MGAT4C: variants seen among roughly 807,000 people sequenced by gnomAD.
MGAT4C encodes alpha-1,3-mannosyl-glycoprotein 4-beta-N-acetylglucosaminyltransferase C.
A neutral mutation model predicts 40.1 loss-of-function variants in MGAT4C; 19 were observed. That is an observed-to-expected ratio of 0.47 (90% CI 0.33 to 0.70). The LOEUF (loss-of-function observed/expected upper bound fraction) is 0.70, where lower values mean the gene tolerates loss of function less well. Ranked by LOEUF, MGAT4C falls within the 30% of genes least tolerant of loss-of-function variation. The pLI, the probability that MGAT4C is intolerant of heterozygous loss-of-function variation, is 0.02. For synonymous variants in MGAT4C, 181 were observed against 187.1 expected (o/e 0.97, Z 0.27); for missense variants, 491 against 563.2 (o/e 0.87, Z 1.30).
intron 1 of MGAT4C, among the ~76,000 whole-genome samples, chr12:86,071,126 C>T (rs993134811): frequency 1.3e-5 from 2 of 151,986 alleles, no homozygotes; most frequent in African/African-American, 4.8e-5. Context: ...GGACACTGCA[C>T]TCAATCTTAT....
In MGAT4C at chr12:85,976,659, GTATA is replaced by G. The variant is rs967788931; in HGVS notation, c.*2626_*2629del. ...TTAACAAAGAAAATTATATATATAT[GTATA>G]TATATATTATATATATGTATATATG... On this transcript the variant is annotated 3_prime_UTR_variant, in exon 5 of 5. Transcript: ENST00000611864. 1 of 144,988 alleles carries G rather than the reference GTATA, an allele frequency of 6.9e-6. No homozygotes were observed. 9.0% of individuals were successfully genotyped at this position (144,988 alleles called of 1,614,324 possible). A position where few individuals can be genotyped will look rare whatever the true frequency, so the allele number is the denominator to read the frequency against.
At chr12:86,444,836 C>A (rs955805425) in intron 2 of MGAT4C, among the ~76,000 whole-genome samples, 4 of 152,124 alleles carry the variant, frequency 2.6e-5, no homozygotes, top group Admixed American at 6.6e-5. Flanking sequence ...AACTCTATAC[C>A]TCTTAAACAA....
At chr12:86,788,615 A>G (rs1401440537) in intron 1 of MGAT4C, among the ~76,000 whole-genome samples, 1 of 152,198 alleles carries the variant, frequency 6.6e-6, no homozygotes, top group Non-Finnish European at 1.5e-5. Flanking sequence ...TTAAAACTAA[A>G]GTACTTTATT....
chr12:86,229,806 T>G (rs1951241189), intron 1 of MGAT4C, among the ~76,000 whole-genome samples: 1 of 152,042 alleles, frequency 6.6e-6, no homozygotes, highest in African/African-American at 2.4e-5. Context: ...TAGGAAACAT[T>G]ATATTACTTA....
intron 1 of MGAT4C, among the ~76,000 whole-genome samples, chr12:86,121,353 C>T (rs937956756): frequency 4.6e-5 from 7 of 152,164 alleles, no homozygotes; most frequent in South Asian, 4.1e-4. Context: ...CTTCCCCAAC[C>T]TAGCAAGGCA....
intron 2 of MGAT4C, among the ~76,000 whole-genome samples, chr12:86,646,279 T>C (rs2136528556): frequency 6.6e-6 from 1 of 152,014 alleles, no homozygotes; most frequent in Non-Finnish European, 1.5e-5. Context: ...CTATACAAAT[T>C]ATTGTTTTTG....
At chr12:86,826,892 AT>A (rs2136232229) in intron 1 of MGAT4C, among the ~76,000 whole-genome samples, 1 of 151,532 alleles carries the variant, frequency 6.6e-6, no homozygotes, top group Non-Finnish European at 1.5e-5. Context: ...ACAAAGAAAA[AT>A]AAAATTTTTT....
intron 2 of MGAT4C, among the ~76,000 whole-genome samples, chr12:86,009,550 T>C (rs1385378359): frequency 1.3e-5 from 2 of 152,160 alleles, no homozygotes; most frequent in Non-Finnish European, 2.9e-5. Flanking sequence ...CCAGAACCTC[T>C]AGCCAGTAAG....
At chr12:86,608,159 G>A (rs901308450) in intron 2 of MGAT4C, among the ~76,000 whole-genome samples, 1 of 151,906 alleles carries the variant, frequency 6.6e-6, no homozygotes, top group Non-Finnish European at 1.5e-5. Flanking sequence ...AATCTGATAA[G>A]AAAGACAAAT....
intron 1 of MGAT4C, among the ~76,000 whole-genome samples, chr12:86,785,168 C>T (rs1951911301): frequency 1.3e-5 from 2 of 151,982 alleles, no homozygotes; most frequent in Admixed American, 6.5e-5. Context: ...ATTTATCATT[C>T]AAATATGAGA....
At chr12:86,648,339 GT>G (rs1231090277) in intron 2 of MGAT4C, among the ~76,000 whole-genome samples, 8 of 151,818 alleles carry the variant, frequency 5.3e-5, no homozygotes, top group Non-Finnish European at 1.0e-4. Context: ...TTTTGATGTG[GT>G]TTTGTTGTCA....
intron 2 of MGAT4C, among the ~76,000 whole-genome samples, chr12:86,472,833 G>T (rs1473917133): frequency 6.6e-6 from 1 of 152,058 alleles, no homozygotes; most frequent in East Asian, 1.9e-4. Flanking sequence ...CGAGTTAAAA[G>T]AAGAAAGAAA....
At chr12:86,036,927 C>A (rs1891294507) in intron 2 of MGAT4C, among the ~76,000 whole-genome samples, 2 of 149,698 alleles carry the variant, frequency 1.3e-5, no homozygotes, top group African/African-American at 4.9e-5. Context: ...TGGTCCTGGA[C>A]TTTTTTTGGT....
intron 1 of MGAT4C, among the ~76,000 whole-genome samples, chr12:86,092,507 C>A (rs187079468): frequency 6.6e-6 from 1 of 151,972 alleles, no homozygotes; most frequent in South Asian, 2.1e-4. Flanking sequence ...TAAAAAAAGA[C>A]GCTAAAATAT....
At chr12:86,702,223 T>TC (rs1950376001) in intron 2 of MGAT4C, among the ~76,000 whole-genome samples, 1 of 151,212 alleles carries the variant, frequency 6.6e-6, no homozygotes, top group Non-Finnish European at 1.5e-5. Context: ...TTTTTTTTTT[T>TC]CAGAGATGTA....
At chr12:86,325,617 C>T (rs985727435) in intron 4 of MGAT4C, among the ~76,000 whole-genome samples, 2 of 152,126 alleles carry the variant, frequency 1.3e-5, no homozygotes, top group African/African-American at 4.8e-5. Flanking sequence ...GTGGCTCACA[C>T]CTGTAATCCC....
At chr12:86,807,759 T>A (rs1287500104) in intron 1 of MGAT4C, among the ~76,000 whole-genome samples, 1 of 152,130 alleles carries the variant, frequency 6.6e-6, no homozygotes, top group Non-Finnish European at 1.5e-5. Flanking sequence ...TAAACCATTT[T>A]CCTATTTCTC....
At chr12:86,500,169 ATATC>A (rs1661825454) in intron 2 of MGAT4C, among the ~76,000 whole-genome samples, 2 of 151,968 alleles carry the variant, frequency 1.3e-5, no homozygotes, top group Admixed American at 1.3e-4. Context: ...TGTATGGTGA[ATATC>A]TATATTCATA....
At chr12:86,610,743 C>G (rs1232876092) in intron 2 of MGAT4C, among the ~76,000 whole-genome samples, 1 of 145,988 alleles carries the variant, frequency 6.8e-6, no homozygotes, top group Non-Finnish European at 1.5e-5. Flanking sequence ...CCCCCTCCCC[C>G]TACCCCACCC....
Sources: gnomAD v4.1 joint callset for allele counts (sites outside exome capture counted in the v4.1 genomes callset) on GRCh38, gnomAD v4.1.1 for gene constraint, MANE v1.5 for transcripts, NCBI Gene and HGNC (gene_info 2026-07-23, HGNC 2026-07-21) for gene names.